AGAP1: variants seen among roughly 807,000 people sequenced by gnomAD.
AGAP1 encodes the protein arf-GAP with GTPase, ANK repeat and PH domain-containing protein 1.
AGAP1 carries 29 observed loss-of-function variants against 105.3 expected under a neutral mutation model. The ratio of observed to expected loss-of-function variants is 0.28; its 90% CI spans 0.21 to 0.38. The LOEUF is 0.38. Ranked by LOEUF, AGAP1 falls within the 10% of genes least tolerant of loss-of-function variation. AGAP1 has a pLI of 1.00. For missense variants in AGAP1, 998 were observed against 1,165.1 expected, an observed-to-expected ratio of 0.86 and a Z score of 2.09; for synonymous variants, 509 against 485.9, an observed-to-expected ratio of 1.05 and a Z score of -0.63.
Position 236,038,217 on chromosome 2 carries a change from A to G in AGAP1, c.1800+1502A>G, listed in dbSNP as rs139281707. 1.6e-4 allele frequency among the ~76,000 whole-genome samples: 25 copies of G among 152,294 alleles called. No homozygotes were observed. Among genetic ancestry groups the G allele is most frequent in the African/African-American group, 5.8e-4 (24 of 41,552 alleles). On this transcript the variant is annotated intron_variant, in intron 14 of 17. Coordinates refer to ENST00000304032, the MANE Select transcript of AGAP1 (RefSeq NM_001037131.3). This position sits in a 1 kb window ranked among gnomAD's most constrained non-coding sequence, Gnocchi z 4.5. ...AACGAGCACAGGGTGCTTTGGGGCC[A>G]CCTCAATGGGAAGCAACAGCACACA...
intron 9 of AGAP1, among the ~76,000 whole-genome samples, chr2:235,817,740 A>T (rs1167160659): frequency 6.6e-6 from 1 of 152,096 alleles, no homozygotes; most frequent in East Asian, 1.9e-4. Context: ...AAAAGACAAA[A>T]AGTAGCCGGG....
intron 13 of AGAP1, among the ~76,000 whole-genome samples, chr2:236,015,639 G>A (rs112940187): frequency 6.6e-6 from 1 of 152,002 alleles, no homozygotes; most frequent in Admixed American, 6.6e-5. Context: ...CAGCCCAAGC[G>A]CACATAAGGG....
chr2:235,894,633 G>GTACACA (rs1559618363), intron 10 of AGAP1, among the ~76,000 whole-genome samples: 4 of 147,144 alleles, frequency 2.7e-5, no homozygotes, highest in African/African-American at 1.1e-4. Context: ...ACATGCACAT[G>GTACACA]TACACACACA....
chr2:235,574,498 A>T lies in AGAP1; in HGVS notation c.163+79649A>T, dbSNP rs1232561786. Among the ~76,000 whole-genome samples the T allele has an allele frequency of 6.6e-6, 1 of 152,232 alleles. No homozygotes were observed. The highest frequency in any genetic ancestry group is 2.1e-4 in the South Asian group (1 of 4,836). On this transcript the variant is annotated intron_variant, in intron 1 of 17. Coordinates refer to ENST00000304032, the MANE Select transcript of AGAP1 (RefSeq NM_001037131.3). This position sits in a 1 kb window ranked among gnomAD's most constrained non-coding sequence, Gnocchi z 5.0. ...TTGGCAGTGTAGTTTCTCTTTTAAT[A>T]GCTGTGATCAGATTATACCTTTAAA...
At position 235,793,763 on chromosome 2, in the gene AGAP1, G is replaced by T. The variant is rs1957111266; in HGVS notation, c.674-3996G>T. On this transcript the variant is annotated intron_variant, in intron 6 of 17. Transcript: ENST00000304032. This position sits in a 1 kb window ranked among gnomAD's most constrained non-coding sequence, Gnocchi z 5.3. ...GGCTATTCCTTGCCTCATTTTGTGTGATTTAGAAACAAGATGGAAGTAGAA... is the reference window on the plus strand; with the variant it reads ...GGCTATTCCTTGCCTCATTTTGTGTTATTTAGAAACAAGATGGAAGTAGAA... 6.6e-6 allele frequency among the ~76,000 whole-genome samples: 1 copy of T among 152,106 alleles called. No homozygotes were observed. Among genetic ancestry groups the T allele is most frequent in the Non-Finnish European group, 1.5e-5 (1 of 68,024 alleles).
intron 1 of AGAP1, among the ~76,000 whole-genome samples, chr2:235,581,329 G>T (rs1327500434): frequency 6.6e-6 from 1 of 151,624 alleles, no homozygotes; most frequent in South Asian, 2.1e-4. Flanking sequence ...AAGATGGAGG[G>T]TGAAAGAGAT....
intron 1 of AGAP1, among the ~76,000 whole-genome samples, chr2:235,567,745 G>T (rs1383766255): frequency 6.6e-6 from 1 of 150,676 alleles, no homozygotes; most frequent in African/African-American, 2.4e-5. Context: ...GCACTGGGGG[G>T]TGGGCAGGGT....
rs374842269 is a variant in AGAP1, at chr2:235,735,483, C to G, written c.311-5480C>G. Among the ~76,000 whole-genome samples, 8 of 152,254 alleles carry G rather than the reference C, an allele frequency of 5.3e-5. No individual in the cohort carries two copies. The East Asian group carries it at 1.4e-3, about 26-fold the overall frequency. On this transcript the variant is annotated intron_variant, in intron 3 of 17. Transcript: ENST00000304032. ...TTGAAGGAACCCAGTTGTTTTACTTCCCCCAGCACCCCAAATTTAAAACTG... is the reference window on the plus strand; with the variant it reads ...TTGAAGGAACCCAGTTGTTTTACTTGCCCCAGCACCCCAAATTTAAAACTG...
At chr2:235,945,261 C>T (rs944010588) in intron 12 of AGAP1, among the ~76,000 whole-genome samples, 21 of 152,022 alleles carry the variant, frequency 1.4e-4, no homozygotes, top group South Asian at 2.1e-4. Flanking sequence ...CCACCGCGCC[C>T]GGCTAATTTT....
chr2:235,816,048 T>G (rs1958433111), intron 9 of AGAP1, among the ~76,000 whole-genome samples: 2 of 152,208 alleles, frequency 1.3e-5, no homozygotes, highest in Non-Finnish European at 2.9e-5. Context: ...GTCCGTCAGT[T>G]GTGTCACTGG....
chr2:235,595,422 C>T (rs931901936), intron 1 of AGAP1, among the ~76,000 whole-genome samples: 1 of 152,204 alleles, frequency 6.6e-6, no homozygotes, highest in Non-Finnish European at 1.5e-5. Flanking sequence ...CAGAACTCAG[C>T]TTACTCTCAC....
intron 8 of AGAP1, among the ~76,000 whole-genome samples, chr2:235,800,255 C>T (rs747730067): frequency 2.6e-4 from 39 of 151,572 alleles, no homozygotes; most frequent in Middle Eastern, 6.8e-3. Flanking sequence ...CTCACCACTA[C>T]GTGTGGCTAA....
chr2:235,628,143 G>A (rs1946703062), intron 1 of AGAP1, among the ~76,000 whole-genome samples: 2 of 152,118 alleles, frequency 1.3e-5, no homozygotes, highest in Admixed American at 6.5e-5. Context: ...ACTGCACTGG[G>A]GTAGTTCAGT....
In AGAP1 at chr2:236,050,634, A is replaced by C. The variant is rs1017313056; in HGVS notation, c.2114+1353A>C. The stretch of plus-strand genomic sequence containing the variant: ...CACAGATAATGATAACATTGGAGGA[A>C]ACTTGGGTCTGAAAATGAAAAATGA... On this transcript the variant is annotated intron_variant, in intron 16 of 17. Transcript: ENST00000304032. The surrounding 1 kb of genome is among the most constrained non-coding windows in gnomAD (Gnocchi z 4.0). Among the ~76,000 whole-genome samples, 8 of 152,230 alleles carry C rather than the reference A, an allele frequency of 5.3e-5. No homozygotes were observed. The highest frequency in any genetic ancestry group is 1.7e-4 in the African/African-American group (7 of 41,468).
chr2:236,112,026 T>C (rs1300765836), intron 16 of AGAP1, among the ~76,000 whole-genome samples: 1 of 152,126 alleles, frequency 6.6e-6, no homozygotes, highest in Middle Eastern at 3.2e-3. Flanking sequence ...CCTCGGGCTT[T>C]TACCCCAGGA....
intron 1 of AGAP1, among the ~76,000 whole-genome samples, chr2:235,561,923 C>A (rs6414040): frequency 0.87 from 131,673 of 152,188 alleles, 57,389 homozygotes; most frequent in East Asian, 0.99. Context: ...CAAGGCTTTT[C>A]ATTTAACTTA....
chr2:235,497,874 G>A (rs868369864), intron 1 of AGAP1, among the ~76,000 whole-genome samples: 21 of 152,186 alleles, frequency 1.4e-4, no homozygotes, highest in African/African-American at 4.6e-4. Flanking sequence ...GGGATTACAG[G>A]TGTGAGCCAC....
chr2:236,094,753 C>G (rs1461426078), intron 16 of AGAP1, among the ~76,000 whole-genome samples: 1 of 151,720 alleles, frequency 6.6e-6, no homozygotes, highest in African/African-American at 2.4e-5. Flanking sequence ...AATGAATTTC[C>G]ACATACCCAA....
At chr2:235,860,517 A>G (rs1460933760) in intron 9 of AGAP1, among the ~76,000 whole-genome samples, 1 of 152,186 alleles carries the variant, frequency 6.6e-6, no homozygotes, top group Non-Finnish European at 1.5e-5. Context: ...TGTTAACAGG[A>G]GTCTAACAAA....
Sources: gnomAD v4.1 joint callset for allele counts (sites outside exome capture counted in the v4.1 genomes callset) on GRCh38, gnomAD v4.1.1 for gene constraint, Gnocchi (gnomAD v3.1) non-coding constraint, MANE v1.5 for transcripts, NCBI Gene and HGNC (gene_info 2026-07-23, HGNC 2026-07-21) for gene names.